ZNF778: variants seen among roughly 807,000 people sequenced by gnomAD.
ZNF778 encodes the protein zinc finger protein 778.
Under a neutral mutation model 23.9 loss-of-function variants are expected in ZNF778, and 37 were observed. That is an observed-to-expected ratio of 1.54 (90% CI 1.19 to 2.03). The LOEUF (loss-of-function observed/expected upper bound fraction) is 2.03, where lower values mean the gene tolerates loss of function less well. Among genes scored for constraint, ZNF778 ranks in the 30% most tolerant of loss-of-function variants. The pLI, the probability that ZNF778 is intolerant of heterozygous loss-of-function variation, is 0.00. For synonymous variants in ZNF778, 483 were observed against 343.9 expected, an observed-to-expected ratio of 1.40 and a Z score of -4.48; for missense variants, 1,297 against 934.4, an observed-to-expected ratio of 1.39 and a Z score of -5.06.
At position 89,232,764 on chromosome 16, in the gene ZNF778, A is replaced by G. The variant is rs916018838; in HGVS notation, c.*4202A>G. 7.8e-7 allele frequency: 1 copy of G among 1,288,430 alleles called. No homozygotes were observed. Among genetic ancestry groups the G allele is most frequent in the African/African-American group, 1.5e-5 (1 of 65,670 alleles). 79.8% of individuals were successfully genotyped at this position (1,288,430 alleles called of 1,614,324 possible). ...ACAACTTGCTGGAAACATGCACTGC[A>G]TATACAAATCAACTCACTGCATATG... is the stretch of plus-strand genomic sequence containing the variant. On this transcript the variant is annotated 3_prime_UTR_variant, in exon 7 of 7. Coordinates refer to ENST00000433976, the MANE Select transcript of ZNF778 (RefSeq NM_001201407.2).
rs1315390892 is a variant in ZNF778, at chr16:89,234,811, G to T, written c.*6249G>T. The T allele has an allele frequency of 6.6e-6, 1 of 152,316 alleles. No homozygotes were observed. The highest frequency in any genetic ancestry group is 1.5e-5 in the Non-Finnish European group (1 of 68,138). 9.4% of individuals were successfully genotyped at this position (152,316 alleles called of 1,614,324 possible). ...CACGCCTGTAATCCCAGCTCCTTGG[G>T]AGGCTGAGGCAGGAGAATTGCTTGA... On this transcript the variant is annotated 3_prime_UTR_variant, in exon 7 of 7. Coordinates refer to ENST00000433976, the MANE Select transcript of ZNF778 (RefSeq NM_001201407.2).
In ZNF778 at chr16:89,232,692, G is replaced by A. The variant is rs2151640552; in HGVS notation, c.*4130G>A. The A allele has an allele frequency of 8.0e-7, 1 of 1,248,722 alleles. No homozygotes were observed. Among genetic ancestry groups the A allele is most frequent in the Non-Finnish European group, 1.0e-6 (1 of 964,204 alleles). The allele number at this position is 1,248,722 out of a possible 1,614,324, so 77.4% of individuals were successfully genotyped here. A position where few individuals can be genotyped will look rare whatever the true frequency, so the allele number is the denominator to read the frequency against. On this transcript the variant is annotated 3_prime_UTR_variant, in exon 7 of 7. Transcript: ENST00000433976. ...ATTTTCATCCTGGGGTCTTGCTGTG[G>A]GGGCTAGACCGTCCCTCTCAGGCTA...
chr16:89,233,827 C>A lies in ZNF778; in HGVS notation c.*5265C>A, dbSNP rs984028830. 5.4e-6 allele frequency: 7 copies of A among 1,291,122 alleles called. No homozygotes were observed. Among genetic ancestry groups the A allele is most frequent in the African/African-American group, 4.5e-5 (3 of 65,978 alleles). The allele number at this position is 1,291,122 out of a possible 1,614,324, so 80.0% of individuals were successfully genotyped here. ...CACTGCGTATGCAACTCAACTGTTGCAAGTACTTATTTCCGGCCACTTCCT... is the reference window on the plus strand; with the variant it reads ...CACTGCGTATGCAACTCAACTGTTGAAAGTACTTATTTCCGGCCACTTCCT... On this transcript the variant is annotated 3_prime_UTR_variant, in exon 7 of 7. Transcript: ENST00000433976.
At position 89,226,931 on chromosome 16, in the gene ZNF778, T is replaced by G. The variant is rs551936505; in HGVS notation, c.643T>G (p.Ser215Ala). The change falls in exon 7 of 7, where the codon TCC (serine) becomes GCC (alanine). Residue 215 changes from serine to alanine, a missense_variant. Ser to Ala is a moderately conservative substitution (Grantham distance 99). Coordinates refer to ENST00000433976, the MANE Select transcript of ZNF778 (RefSeq NM_001201407.2). The stretch of plus-strand genomic sequence containing the variant: ...CTTCAGCTCTACTCCAAATGTTGTT[T>G]CCCAGCAAGCATGCACTCGGGACAG... ...KAFSSTPNVVSQQACTRDRSL... is the reference protein window; with the variant it reads ...KAFSSTPNVVAQQACTRDRSL... The G allele has an allele frequency of 6.2e-7, 1 of 1,614,028 alleles. No individual in the cohort carries two copies. Among genetic ancestry groups the G allele is most frequent in the South Asian group, 1.1e-5 (1 of 91,074 alleles).
Position 89,227,132 on chromosome 16 carries a change from G to T in ZNF778, c.844G>T (p.Val282Leu). ...VEMHAVRNPH[V>L]CRECGKAFRY... ...AATGCATGCCGTCAGGAATCCCCACGTATGTAGGGAATGTGGGAAGGCCTT... is the reference window on the plus strand; with the variant it reads ...AATGCATGCCGTCAGGAATCCCCACTTATGTAGGGAATGTGGGAAGGCCTT... The change falls in exon 7 of 7, where the codon GTA becomes TTA. Residue 282 changes from valine to leucine, a missense_variant. Val to Leu is a conservative substitution (Grantham distance 32). Transcript: ENST00000433976. 1 of 1,614,038 alleles carries T rather than the reference G, an allele frequency of 6.2e-7. No individual in the cohort carries two copies. Among genetic ancestry groups the T allele is most frequent in the South Asian group, 1.1e-5 (1 of 91,082 alleles).
Position 89,228,750 on chromosome 16 carries a change from T to C in ZNF778, c.*188T>C, listed in dbSNP as rs1206892846. ...CACAGAGAAAGCCCTCAGTGTTCTC[T>C]AAGGTCTTGCTGAATATGGATGGTA... On this transcript the variant is annotated 3_prime_UTR_variant, in exon 7 of 7. Transcript: ENST00000433976. 2.9e-6 allele frequency: 4 copies of C among 1,400,386 alleles called. No individual in the cohort carries two copies. The East Asian group carries it at 7.9e-5, about 28-fold the overall frequency. The allele number at this position is 1,400,386 out of a possible 1,614,324, so 86.7% of individuals were successfully genotyped here. A position where few individuals can be genotyped will look rare whatever the true frequency, so the allele number is the denominator to read the frequency against.
In ZNF778 at chr16:89,235,951, G is replaced by C. The variant is rs2032222175; in HGVS notation, c.*7389G>C. ...AGGTGGGCGGATCACAAGGTCAGGA[G>C]ATCATGACCATCCTGGCCAACACAG... On this transcript the variant is annotated 3_prime_UTR_variant, in exon 7 of 7. Transcript: ENST00000433976. 6.7e-6 allele frequency: 1 copy of C among 148,350 alleles called. No individual in the cohort carries two copies. Among genetic ancestry groups the C allele is most frequent in the Admixed American group, 6.7e-5 (1 of 14,890 alleles). The allele number at this position is 148,350 out of a possible 1,614,324, so 9.2% of individuals were successfully genotyped here.
rs1003126515 is a variant in ZNF778 at position 89,231,206 on chromosome 16, G to C, written c.*2644G>C. ...AAGGTCATCAGATTAGCGGGAACCA[G>C]CTTGTGGGGTTGTAGCGGCTCCTGG... On this transcript the variant is annotated 3_prime_UTR_variant, in exon 7 of 7. Coordinates refer to ENST00000433976, the MANE Select transcript of ZNF778 (RefSeq NM_001201407.2). 1 of 152,440 alleles carries C rather than the reference G, an allele frequency of 6.6e-6. No individual in the cohort carries two copies. Among genetic ancestry groups the C allele is most frequent in the Admixed American group, 6.5e-5 (1 of 15,308 alleles). The allele number at this position is 152,440 out of a possible 1,614,324, so 9.4% of individuals were successfully genotyped here.
chr16:89,234,055 C>G lies in ZNF778; in HGVS notation c.*5493C>G, dbSNP rs1037700878. On this transcript the variant is annotated 3_prime_UTR_variant, in exon 7 of 7. Coordinates refer to ENST00000433976, the MANE Select transcript of ZNF778 (RefSeq NM_001201407.2). ...CTCCCCTGGCTCTGACTTCTGCCTC[C>G]TGCCCAGCTCTGCAGCTCCCCTTGG... 1 of 755,986 alleles carries G rather than the reference C, an allele frequency of 1.3e-6. No individual in the cohort carries two copies. The highest frequency in any genetic ancestry group is 1.8e-5 in the African/African-American group (1 of 55,612). The allele number at this position is 755,986 out of a possible 1,614,324, so 46.8% of individuals were successfully genotyped here.
chr16:89,222,942 C>T (rs1479255092), intron 3 of ZNF778, among the ~76,000 whole-genome samples: 1 of 129,478 alleles, frequency 7.7e-6, no homozygotes, highest in Admixed American at 8.6e-5. Context: ...CGCGACAGGG[C>T]ACGCGTGACT....
In ZNF778 at chr16:89,223,222, A is replaced by G. The variant is rs899115808; in HGVS notation, c.183A>G (p.Pro61=). The change falls in exon 4 of 7, where the codon CCA becomes CCG. Residue 61 remains proline, a synonymous_variant. Transcript: ENST00000433976. Reference sequence around the variant, plus strand: ...AGGAGGAATGGACTTTACTGGACCCATCTCAGAGAGACCTCTACAGAGATG... The same window carrying G: ...AGGAGGAATGGACTTTACTGGACCCGTCTCAGAGAGACCTCTACAGAGATG... ...FTQEEWTLLD[P]SQRDLYRDVM... is the part of the protein sequence containing the mutation. 1.9e-6 allele frequency: 3 copies of G among 1,614,110 alleles called. No individual in the cohort carries two copies. In the South Asian group the frequency reaches 3.3e-5, roughly 18 times the overall value.
chr16:89,223,760 A>G (rs1404469720), intron 4 of ZNF778, among the ~76,000 whole-genome samples: 1 of 152,150 alleles, frequency 6.6e-6, no homozygotes. Flanking sequence ...GCGCAGAAGG[A>G]TGGAGTATTT....
At position 89,229,148 on chromosome 16, in the gene ZNF778, C is replaced by G. The variant is rs1199132561; in HGVS notation, c.*586C>G. On this transcript the variant is annotated 3_prime_UTR_variant, in exon 7 of 7. Coordinates refer to ENST00000433976, the MANE Select transcript of ZNF778 (RefSeq NM_001201407.2). ...TCCTCCAGTCTGGTTGCTACAGTGTCCACGTCGCAGCCTGGCTAACAGTAG... is the reference window on the plus strand; with the variant it reads ...TCCTCCAGTCTGGTTGCTACAGTGTGCACGTCGCAGCCTGGCTAACAGTAG... 1.0e-6 allele frequency: 1 copy of G among 985,962 alleles called. No homozygotes were observed. The highest frequency in any genetic ancestry group is 1.7e-5 in the African/African-American group (1 of 57,252). 61.1% of individuals were successfully genotyped at this position (985,962 alleles called of 1,614,324 possible).
intron 6 of ZNF778, among the ~76,000 whole-genome samples, chr16:89,226,189 C>T (rs947845873): frequency 2.0e-5 from 3 of 151,762 alleles, no homozygotes; most frequent in East Asian, 3.9e-4. Context: ...GGATTACAGG[C>T]GTGAGCCACT....
chr16:89,225,873 G>C (rs1438806227), intron 6 of ZNF778, among the ~76,000 whole-genome samples: 1 of 151,596 alleles, frequency 6.6e-6, no homozygotes, highest in African/African-American at 2.4e-5. Flanking sequence ...GAGCTGTTTT[G>C]TGCGCACAGA....
Position 89,229,517 on chromosome 16 carries a change from G to C in ZNF778, c.*955G>C, listed in dbSNP as rs913895911. On this transcript the variant is annotated 3_prime_UTR_variant, in exon 7 of 7. Coordinates refer to ENST00000433976, the MANE Select transcript of ZNF778 (RefSeq NM_001201407.2). ...GTCTTGAGGATCCAGATGTGATTCT[G>C]TGAGCAGCATAGGCTCTGGTTGGTT... 2.0e-6 allele frequency: 2 copies of C among 975,932 alleles called. No individual in the cohort carries two copies. Among genetic ancestry groups the C allele is most frequent in the Non-Finnish European group, 2.4e-6 (2 of 826,818 alleles). The allele number at this position is 975,932 out of a possible 1,614,324, so 60.5% of individuals were successfully genotyped here.
Position 89,225,604 on chromosome 16 carries a change from G to A in ZNF778, c.378G>A (p.Trp126Ter). Residue 126 changes from tryptophan (W) to a stop codon, truncating the protein, a stop_gained, in exon 6 of 7, where the codon TGG (tryptophan) becomes TGA (stop). Coordinates refer to ENST00000433976, the MANE Select transcript of ZNF778 (RefSeq NM_001201407.2). LOFTEE classifies it low-confidence loss of function (END_TRUNC). ...KGPALRQDRS[W>*]FRASNETQTA... ...CAGCACTTCGGCAGGATAGATCTTG[G>A]TTCAGAGCATCAAATGAGACACAGA... The A allele has an allele frequency of 1.2e-6, 2 of 1,612,906 alleles. No individual in the cohort carries two copies. Among genetic ancestry groups the A allele is most frequent in the Non-Finnish European group, 1.7e-6 (2 of 1,179,268 alleles).
chr16:89,227,608 A>C lies in ZNF778; in HGVS notation c.1320A>C (p.Val440=). ...FTVRCGLTRH[V]RTHTGEKPYT... ...TGCGCTGTGGCCTTACTAGACACGT[A>C]CGAACACACACGGGCGAGAAGCCAT... Residue 440 remains valine (V), a synonymous_variant, in exon 7 of 7, where the codon GTA becomes GTC. Coordinates refer to ENST00000433976, the MANE Select transcript of ZNF778 (RefSeq NM_001201407.2). 6.2e-7 allele frequency: 1 copy of C among 1,614,172 alleles called. No homozygotes were observed. The highest frequency in any genetic ancestry group is 8.5e-7 in the Non-Finnish European group (1 of 1,180,008).
rs2031779460 is a variant in ZNF778, at chr16:89,229,356, T to G, written c.*794T>G. The G allele has an allele frequency of 4.1e-6, 4 of 985,308 alleles. No individual in the cohort carries two copies. The highest frequency in any genetic ancestry group is 4.8e-6 in the Non-Finnish European group (4 of 830,040). The allele number at this position is 985,308 out of a possible 1,614,324, so 61.0% of individuals were successfully genotyped here. ...AGTCTTCAGGATCCAGATGTGATCTTGTGTGAGCACTGTAGGCTCTGGTTG... is the reference window on the plus strand; with the variant it reads ...AGTCTTCAGGATCCAGATGTGATCTGGTGTGAGCACTGTAGGCTCTGGTTG... On this transcript the variant is annotated 3_prime_UTR_variant, in exon 7 of 7. Coordinates refer to ENST00000433976, the MANE Select transcript of ZNF778 (RefSeq NM_001201407.2).
Sources: gnomAD v4.1 joint callset for allele counts (sites outside exome capture counted in the v4.1 genomes callset) on GRCh38, gnomAD v4.1.1 for gene constraint, MANE v1.5 for transcripts, NCBI Gene and HGNC (gene_info 2026-07-23, HGNC 2026-07-21) for gene names.